N4BP2L1: variants seen among roughly 807,000 people sequenced by gnomAD.
N4BP2L1 encodes the protein NEDD4-binding protein 2-like 1.
A neutral mutation model predicts 21.2 loss-of-function variants in N4BP2L1; 12 were observed. The ratio of observed to expected loss-of-function variants is 0.57; its 90% CI spans 0.36 to 0.92. N4BP2L1 has a LOEUF of 0.92. Ranked by LOEUF, N4BP2L1 falls within the 40% of genes least tolerant of loss-of-function variation. The pLI, the probability that N4BP2L1 is intolerant of heterozygous loss-of-function variation, is 0.01. For missense variants in N4BP2L1, 259 were observed against 310.6 expected (o/e 0.83, Z 1.25); for synonymous variants, 104 against 112.8 (o/e 0.92, Z 0.49).
At position 32,407,659 on chromosome 13, in the gene N4BP2L1, C is replaced by T; in HGVS notation, c.293G>A (p.Trp98Ter). 1 of 1,613,610 alleles carries T rather than the reference C, an allele frequency of 6.2e-7. No homozygotes were observed. ...GAATTTGTCACCTCTTTTTTGGTTC[C>T]ATTCATGAGCTTCCTCCAGGAAGTC... ...NPDFLEEAHE[W>*]NQKRARKAMR... is the part of the protein sequence containing the mutation. The change falls in exon 2 of 5, where the codon TGG becomes TAG. Residue 98 changes from tryptophan (W) to a stop codon, truncating the protein, a stop_gained. Coordinates refer to ENST00000380130, the MANE Select transcript of N4BP2L1 (RefSeq NM_052818.3). LOFTEE classifies it high-confidence loss of function.
At chr13:32,404,165 C>T (rs941721029) in intron 4 of N4BP2L1, 156 bp downstream of exon 4, 4 of 1,611,690 alleles carry the variant, frequency 2.5e-6, no homozygotes, top group African/African-American at 1.3e-5. Flanking sequence ...AAAGTCTTCA[C>T]ATTAATAATT....
At chr13:32,403,761 C>T (rs1432825120) in intron 4 of N4BP2L1, 3 of 536,204 alleles carry the variant, frequency 5.6e-6, no homozygotes, top group Non-Finnish European at 1.1e-5. Flanking sequence ...ACACTATCTG[C>T]CTATTACCAT....
chr13:32,427,901 T>C lies in N4BP2L1; in HGVS notation c.179+3A>G. The C allele has an allele frequency of 6.7e-7, 1 of 1,501,810 alleles. No individual in the cohort carries two copies. Among genetic ancestry groups the C allele is most frequent in the Non-Finnish European group, 8.9e-7 (1 of 1,124,964 alleles). The allele number at this position is 1,501,810 out of a possible 1,614,324, so 93.0% of individuals were successfully genotyped here. On this transcript the variant is annotated splice_donor_region_variant and intron_variant, in intron 1 of 4. Transcript: ENST00000380130. ...GCACCGGCGCCCAGACCGCTGTCAT[T>C]ACCTGGCCAGTGTAGTTTTCCCGGA...
intron 4 of N4BP2L1, chr13:32,403,731 T>A (rs150657808): frequency 3.2e-4 from 171 of 536,088 alleles, no homozygotes; most frequent in African/African-American, 2.7e-3. Flanking sequence ...GATGGAGTAG[T>A]CCACAGATCC....
At chr13:32,417,091 A>G (rs745344054) in intron 1 of N4BP2L1, among the ~76,000 whole-genome samples, 33 of 152,216 alleles carry the variant, frequency 2.2e-4, no homozygotes, top group Non-Finnish European at 4.1e-4. Flanking sequence ...CTGGGATTAC[A>G]GGCTTGAGCC....
At chr13:32,416,761 G>A (rs1415435054) in intron 1 of N4BP2L1, 1 of 151,694 alleles carries the variant, frequency 6.6e-6, no homozygotes, top group Non-Finnish European at 1.5e-5. Context: ...ATGTATTAAT[G>A]GCTCCTGAAT....
chr13:32,407,603 G>A (rs772549218), intron 2 of N4BP2L1, 42 bp downstream of exon 2: 215 of 1,609,214 alleles, frequency 1.3e-4, no homozygotes, highest in Non-Finnish European at 1.6e-4. Context: ...CAATCTATGT[G>A]CACATCAGGG....
At chr13:32,416,071 T>TA (rs562978324) in intron 1 of N4BP2L1, 42 of 152,372 alleles carry the variant, frequency 2.8e-4, no homozygotes, top group African/African-American at 9.6e-4. Context: ...CTTGTTGAAT[T>TA]AAAAAATGAA....
At chr13:32,406,086 T>C (rs567076733) in intron 3 of N4BP2L1, among the ~76,000 whole-genome samples, 1 of 151,440 alleles carries the variant, frequency 6.6e-6, no homozygotes, top group African/African-American at 2.4e-5. Context: ...TATTTTTTTT[T>C]TTTTAGTAGA....
At chr13:32,415,798 T>G (rs762789587) in intron 1 of N4BP2L1, among the ~76,000 whole-genome samples, 2 of 152,098 alleles carry the variant, frequency 1.3e-5, no homozygotes, top group Non-Finnish European at 2.9e-5. Context: ...TCATGAACAT[T>G]TTCTCATACT....
intron 1 of N4BP2L1, among the ~76,000 whole-genome samples, chr13:32,411,070 A>G (rs2073831621): frequency 6.6e-6 from 1 of 152,234 alleles, no homozygotes; most frequent in African/African-American, 2.4e-5. Context: ...ACTTTAAGGC[A>G]TGAGTATCCA....
rs374884440 is a variant in N4BP2L1 at position 32,402,136 on chromosome 13, C to T, written c.*806G>A. On this transcript the variant is annotated 3_prime_UTR_variant, in exon 5 of 5. Coordinates refer to ENST00000380130, the MANE Select transcript of N4BP2L1 (RefSeq NM_052818.3). The stretch of plus-strand genomic sequence containing the variant: ...TGTTAATAGGCATAATTTTAGAAGT[C>T]GTTTATTCCTTTTAAAAGTTAGTGT... The T allele has an allele frequency of 3.0e-6, 3 of 984,816 alleles. No individual in the cohort carries two copies. Among genetic ancestry groups the T allele is most frequent in the South Asian group, 4.7e-5 (1 of 21,270 alleles). The allele number at this position is 984,816 out of a possible 1,614,324, so 61.0% of individuals were successfully genotyped here. A position where few individuals can be genotyped will look rare whatever the true frequency, so the allele number is the denominator to read the frequency against.
chr13:32,427,884 G>A lies in N4BP2L1; in HGVS notation c.179+20C>T, dbSNP rs1270148030. ...GGTGGCCCCGGGCCCGTGCACCGGC[G>A]CCCAGACCGCTGTCATTACCTGGCC... On this transcript the variant is annotated intron_variant, in intron 1 of 4. Transcript: ENST00000380130. 6 of 1,445,216 alleles carry A rather than the reference G, an allele frequency of 4.2e-6. No individual in the cohort carries two copies. Among genetic ancestry groups the A allele is most frequent in the Non-Finnish European group, 5.5e-6 (6 of 1,096,052 alleles). 89.5% of individuals were successfully genotyped at this position (1,445,216 alleles called of 1,614,324 possible).
At chr13:32,428,407 T>G, upstream of N4BP2L1, 27 of 200,574 alleles carry the variant, frequency 1.3e-4, no homozygotes, top group East Asian at 3.2e-4. Context: ...TCTGGGACAC[T>G]TCCCCGGCCT....
chr13:32,410,242 G>A (rs1593252119), intron 1 of N4BP2L1, among the ~76,000 whole-genome samples: 2 of 152,222 alleles, frequency 1.3e-5, no homozygotes, highest in Admixed American at 6.5e-5. Context: ...TCCTTCACAC[G>A]TCTGGTGGTG....
chr13:32,424,036 G>A (rs1453580299), intron 1 of N4BP2L1, among the ~76,000 whole-genome samples: 1 of 152,230 alleles, frequency 6.6e-6, no homozygotes, highest in Non-Finnish European at 1.5e-5. Context: ...AGTTCCAGGT[G>A]AGTTTGTCAG....
At chr13:32,410,971 T>C (rs971112016) in intron 1 of N4BP2L1, among the ~76,000 whole-genome samples, 1 of 152,214 alleles carries the variant, frequency 6.6e-6, no homozygotes, top group Non-Finnish European at 1.5e-5. Flanking sequence ...TTTCTTTTCA[T>C]ATACATACCC....
intron 1 of N4BP2L1, among the ~76,000 whole-genome samples, chr13:32,427,247 AC>A (rs2074826626): frequency 6.6e-6 from 1 of 152,120 alleles, no homozygotes; most frequent in Non-Finnish European, 1.5e-5. Context: ...GCCCCCGTGC[AC>A]CTGTGCGCCT....
Position 32,403,218 on chromosome 13 carries a change from G to A in N4BP2L1, c.474-18C>T. The A allele has an allele frequency of 6.4e-7, 1 of 1,574,422 alleles. No individual in the cohort carries two copies. Among genetic ancestry groups the A allele is most frequent in the Non-Finnish European group, 8.6e-7 (1 of 1,160,232 alleles). On this transcript the variant is annotated intron_variant, in intron 4 of 4. Coordinates refer to ENST00000380130, the MANE Select transcript of N4BP2L1 (RefSeq NM_052818.3). ...TGTTTCTTCTACATGGAAAAAAAAT[G>A]CATTTAGTTAAGGCAGGATACCACA...
Sources: gnomAD v4.1 joint callset for allele counts (sites outside exome capture counted in the v4.1 genomes callset) on GRCh38, gnomAD v4.1.1 for gene constraint, MANE v1.5 for transcripts, NCBI Gene and HGNC (gene_info 2026-07-23, HGNC 2026-07-21) for gene names.